PKD1L1: variants seen among roughly 807,000 people sequenced by gnomAD.
The protein encoded by PKD1L1 is polycystin 1 like 1, transient receptor potential channel interacting, also known as polycystin-1-like protein 1.
Under a neutral mutation model 323.4 loss-of-function variants are expected in PKD1L1, and 236 were observed. The ratio of observed to expected loss-of-function variants is 0.73; its 90% confidence interval spans 0.66 to 0.81. PKD1L1 has a LOEUF of 0.81. Among genes scored for constraint, PKD1L1 ranks in the 40% least tolerant of loss-of-function variants. The pLI, the probability that PKD1L1 is intolerant of heterozygous loss-of-function variation, is 0.00. For synonymous variants in PKD1L1, 1,344 were observed against 1,335.0 expected (o/e 1.01, Z -0.15); for missense variants, 3,320 against 3,508.0 (o/e 0.95, Z 1.35).
At chr7:47,922,720 G>A (rs553477121) in intron 7 of PKD1L1, among the ~76,000 whole-genome samples, 92 of 136,246 alleles carry the variant, frequency 6.8e-4, no homozygotes, top group Middle Eastern at 3.5e-3. Context: ...CCCGGCAGCC[G>A]CCCCGTCCGG....
At chr7:47,922,933 CTCTG>C (rs1396875316) in intron 7 of PKD1L1, among the ~76,000 whole-genome samples, 2 of 152,234 alleles carry the variant, frequency 1.3e-5, no homozygotes, top group Admixed American at 6.5e-5. Flanking sequence ...CAGATTGTTA[CTCTG>C]TCTGTGTAGA....
intron 38 of PKD1L1, 37 bp downstream of exon 38, chr7:47,835,096 T>C: frequency 6.2e-7 from 1 of 1,607,684 alleles, no homozygotes; most frequent in Non-Finnish European, 8.5e-7. Context: ...AAGGGGCTGC[T>C]CAGGAGAACA....
intron 24 of PKD1L1, 52 bp from the exon 25 acceptor site, chr7:47,866,666 T>C: frequency 6.8e-7 from 1 of 1,468,216 alleles, no homozygotes; most frequent in Non-Finnish European, 9.3e-7. Flanking sequence ...GGCAAAACTT[T>C]TCACCCTGAC....
intron 25 of PKD1L1, among the ~76,000 whole-genome samples, chr7:47,865,536 A>G (rs1786145313): frequency 1.3e-5 from 2 of 148,700 alleles, no homozygotes; most frequent in African/African-American, 4.9e-5. Flanking sequence ...GGCTGATGAA[A>G]TAAGGGTGCA....
chr7:47,881,944 A>G lies in PKD1L1; in HGVS notation c.3407T>C (p.Leu1136Pro), dbSNP rs1562971182. ...VLMIDWPKAL[L>P]GRAVFQGYSS... The stretch of plus-strand genomic sequence containing the variant: ...ATAGCCTTGGAAAACTGCTCGACCC[A>G]GCAGGGCCTTGGGCCAGTCAATCAT... The change falls in exon 20 of 57, where the codon CTG becomes CCG. Residue 1136 changes from leucine (L) to proline (P), a missense_variant. Physicochemically the swap from Leu to Pro is moderately conservative, Grantham distance 98. Transcript: ENST00000289672. 6.2e-7 allele frequency: 1 copy of G among 1,611,140 alleles called. No homozygotes were observed. The highest frequency in any genetic ancestry group is 8.5e-7 in the Non-Finnish European group (1 of 1,179,138).
At chr7:47,892,945 C>T (rs901328857) in intron 15 of PKD1L1, among the ~76,000 whole-genome samples, 4 of 152,106 alleles carry the variant, frequency 2.6e-5, no homozygotes, top group African/African-American at 9.7e-5. Flanking sequence ...AGATTTTGGC[C>T]TGTGGCTGGG....
the PKD1L1 span, among the ~76,000 whole-genome samples, chr7:47,953,887 T>C: frequency 6.6e-6 from 1 of 152,202 alleles, no homozygotes; most frequent in Admixed American, 6.5e-5. Flanking sequence ...CTCCACTCTG[T>C]TCTGGTTCTC....
chr7:47,953,251 T>C (rs1356461123), upstream of PKD1L1, among the ~76,000 whole-genome samples: 1 of 152,204 alleles, frequency 6.6e-6, no homozygotes, highest in East Asian at 1.9e-4. Flanking sequence ...GGGGTAATGT[T>C]TTAGGCCCTC....
intron 56 of PKD1L1, among the ~76,000 whole-genome samples, chr7:47,791,719 C>T (rs921695520): frequency 3.3e-5 from 5 of 152,110 alleles, no homozygotes; most frequent in African/African-American, 7.2e-5. Flanking sequence ...AATTAGGGCC[C>T]GGGAAGGGCT....
At chr7:47,811,012 T>C (rs768113261) in intron 50 of PKD1L1, among the ~76,000 whole-genome samples, 2 of 152,146 alleles carry the variant, frequency 1.3e-5, no homozygotes, top group African/African-American at 4.8e-5. Flanking sequence ...TCCCTGTGTA[T>C]ACCCACAAAG....
chr7:47,905,735 C>G, intron 10 of PKD1L1, 108 bp downstream of exon 10: 2 of 1,471,454 alleles, frequency 1.4e-6, no homozygotes, highest in Non-Finnish European at 1.8e-6. Context: ...AAATGGGGCT[C>G]TCCAGCAGAG....
At chr7:47,789,479 G>A (rs1387065626) in intron 56 of PKD1L1, among the ~76,000 whole-genome samples, 1 of 152,006 alleles carries the variant, frequency 6.6e-6, no homozygotes, top group African/African-American at 2.4e-5. Context: ...TCATCTCTTG[G>A]ATTACTTCAT....
In PKD1L1 at chr7:47,882,018, A is replaced by G; in HGVS notation, c.3333T>C (p.Asp1111=). ...LSAEESPGDG[D]NLVDPSLSAG... is the part of the protein sequence containing the mutation. ...CAGACAGGGAGGGGTCCACCAGGTT[A>G]TCCCCATCTCCAGGGCTCTCCTCGG... Residue 1111 remains aspartate, a synonymous_variant, in exon 20 of 57, where the codon GAT becomes GAC. Transcript: ENST00000289672. 2 of 1,614,160 alleles carry G rather than the reference A, an allele frequency of 1.2e-6. No homozygotes were observed. Among genetic ancestry groups the G allele is most frequent in the Non-Finnish European group, 1.7e-6 (2 of 1,180,018 alleles).
chr7:47,925,453 G>A (rs1184924731), intron 7 of PKD1L1, among the ~76,000 whole-genome samples: 1 of 152,158 alleles, frequency 6.6e-6, no homozygotes, highest in Admixed American at 6.5e-5. Context: ...TGGGAGACTC[G>A]TAAATATAAA....
At chr7:47,943,719 A>C (rs1788043703) in intron 1 of PKD1L1, among the ~76,000 whole-genome samples, 1 of 152,216 alleles carries the variant, frequency 6.6e-6, no homozygotes, top group African/African-American at 2.4e-5. Flanking sequence ...TAGAAGATTA[A>C]CTGAAATATA....
rs371126520 is a variant in PKD1L1, at chr7:47,902,518, C to G, written c.1932-7G>C. ...CACTGTAAATTCTCCTTCCCTGGGA[C>G]GGTGGAAAGCACAGAAATGAACAAA... On this transcript the variant is annotated splice_polypyrimidine_tract_variant and splice_region_variant and intron_variant, in intron 12 of 56. Transcript: ENST00000289672. The G allele has an allele frequency of 1.9e-6, 3 of 1,613,160 alleles. No homozygotes were observed. Among genetic ancestry groups the G allele is most frequent in the Non-Finnish European group, 2.5e-6 (3 of 1,179,602 alleles).
intron 55 of PKD1L1, among the ~76,000 whole-genome samples, chr7:47,793,329 C>T (rs1451897654): frequency 1.3e-5 from 2 of 152,096 alleles, no homozygotes; most frequent in East Asian, 1.9e-4. Context: ...TGAATTGTAT[C>T]TCCCAGAATT....
intron 55 of PKD1L1, chr7:47,795,276 G>GT: frequency 2.2e-6 from 1 of 445,348 alleles, no homozygotes; most frequent in East Asian, 7.3e-5. Flanking sequence ...CATAGGGGCT[G>GT]GTCTTTCTCA....
chr7:47,901,236 G>T (rs531579852), intron 13 of PKD1L1, among the ~76,000 whole-genome samples: 6 of 150,460 alleles, frequency 4.0e-5, no homozygotes, highest in African/African-American at 1.5e-4. Flanking sequence ...TACTTGGGAG[G>T]CTGAGGCAGG....
Sources: gnomAD v4.1 joint callset for allele counts (sites outside exome capture counted in the v4.1 genomes callset) on GRCh38, gnomAD v4.1.1 for gene constraint, MANE v1.5 for transcripts, NCBI Gene and HGNC (gene_info 2026-07-23, HGNC 2026-07-21) for gene names.